Variants in ULK4 observed in about 807,000 individuals in gnomAD.
ULK4 encodes unc-51 like kinase 4.
A neutral mutation model predicts 160.6 loss-of-function variants in ULK4; 133 were observed. The ratio of observed to expected loss-of-function variants is 0.83; its 90% CI spans 0.72 to 0.96. ULK4 has a LOEUF of 0.96. Among genes scored for constraint, ULK4 ranks in the 40% least tolerant of loss-of-function variants. The pLI is 0.00. For missense variants in ULK4, 1,580 were observed against 1,499.5 expected (o/e 1.05, Z -0.89); for synonymous variants, 534 against 539.8 (o/e 0.99, Z 0.15).
Position 41,555,796 on chromosome 3 carries a change from A to C in ULK4, c.3226+10229T>G, listed in dbSNP as rs185744422. 6.6e-5 allele frequency among the ~76,000 whole-genome samples: 10 copies of C among 152,368 alleles called. No homozygotes were observed. In the East Asian group the frequency reaches 1.9e-3, roughly 29 times the overall value. On this transcript the variant is annotated intron_variant, in intron 32 of 36. Coordinates refer to ENST00000301831, the MANE Select transcript of ULK4 (RefSeq NM_017886.4). ...ATGCCCATCAATGATAGCCTGGATA[A>C]AGAAAATGTGGTACATCATGGAATG...
intron 31 of ULK4, among the ~76,000 whole-genome samples, chr3:41,572,464 G>A (rs1053471521): frequency 1.3e-5 from 2 of 152,010 alleles, no homozygotes; most frequent in African/African-American, 4.8e-5. Flanking sequence ...AGCCCTCAAT[G>A]TTTTTCATTA....
At chr3:41,265,749 A>T (rs1272726329) in intron 35 of ULK4, among the ~76,000 whole-genome samples, 1 of 152,172 alleles carries the variant, frequency 6.6e-6, no homozygotes. Context: ...GCAGGGCCAC[A>T]GCTTTGAGGA....
intron 32 of ULK4, among the ~76,000 whole-genome samples, chr3:41,470,150 C>T (rs2083951213): frequency 6.7e-6 from 1 of 149,764 alleles, no homozygotes; most frequent in Admixed American, 6.7e-5. Flanking sequence ...TCAAAGTAAA[C>T]CAAAAGAAGA....
chr3:41,954,853 A>T, intron 1 of ULK4, 46 bp from the exon 2 acceptor site: 1 of 1,253,742 alleles, frequency 8.0e-7, no homozygotes, highest in South Asian at 1.5e-5. Flanking sequence ...AGTTAGTTGC[A>T]TAATTAATTA....
chr3:41,866,874 T>C (rs1696906007), intron 17 of ULK4, among the ~76,000 whole-genome samples: 1 of 152,222 alleles, frequency 6.6e-6, no homozygotes, highest in South Asian at 2.1e-4. Context: ...CTTTTTCCAT[T>C]TGTCAAGTAT....
At chr3:41,469,602 CAAAAAAAAAA>C (rs71616008) in intron 32 of ULK4, among the ~76,000 whole-genome samples, 3 of 11,308 alleles carry the variant, frequency 2.7e-4, no homozygotes, top group Admixed American at 1.3e-3. Context: ...CTACACCTGC[CAAAAAAAAAA>C]AAAAAAAAAA....
intron 34 of ULK4, among the ~76,000 whole-genome samples, chr3:41,421,124 AAAG>A (rs1013024126): frequency 6.3e-5 from 2 of 31,502 alleles, no homozygotes; most frequent in African/African-American, 1.2e-3. Context: ...CTCAAAAAAA[AAAG>A]AAAAGAAAAG....
intron 17 of ULK4, among the ~76,000 whole-genome samples, chr3:41,880,225 T>G (rs2125700252): frequency 6.6e-6 from 1 of 152,304 alleles, no homozygotes; most frequent in East Asian, 1.9e-4. Flanking sequence ...ATATCAGAAA[T>G]GTTTTTTAAA....
intron 21 of ULK4, among the ~76,000 whole-genome samples, chr3:41,768,263 A>C (rs1408133973): frequency 2.0e-5 from 3 of 152,220 alleles, no homozygotes; most frequent in African/African-American, 4.8e-5. Context: ...TTGTAAGACA[A>C]ACATGAAACT....
intron 18 of ULK4, among the ~76,000 whole-genome samples, chr3:41,822,752 C>T (rs1216877486): frequency 1.5e-4 from 16 of 108,064 alleles, no homozygotes; most frequent in African/African-American, 4.7e-4. Context: ...GAGACAGTCT[C>T]GCTCTGTCAC....
intron 18 of ULK4, among the ~76,000 whole-genome samples, chr3:41,835,097 C>T (rs2041713887): frequency 6.6e-6 from 1 of 152,192 alleles, no homozygotes; most frequent in African/African-American, 2.4e-5. Flanking sequence ...TTAGTCCCAG[C>T]TACCCAGGAG....
At chr3:41,928,565 G>GTT (rs138310421) in intron 5 of ULK4, among the ~76,000 whole-genome samples, 33 of 142,006 alleles carry the variant, frequency 2.3e-4, no homozygotes, top group South Asian at 6.7e-4. Context: ...TCTAGGAGCT[G>GTT]TTTTTTTTTA....
intron 15 of ULK4, among the ~76,000 whole-genome samples, 178 bp from the exon 16 acceptor site, chr3:41,895,742 T>C (rs1195922545): frequency 2.0e-5 from 3 of 152,138 alleles, no homozygotes; most frequent in African/African-American, 4.8e-5. Flanking sequence ...AAGATTAAAA[T>C]AAAAACTAAG....
intron 12 of ULK4, among the ~76,000 whole-genome samples, chr3:41,901,172 C>CTTTTTTTTTT (rs201425733): frequency 2.5e-5 from 3 of 119,916 alleles, no homozygotes; most frequent in African/African-American, 6.9e-5. Context: ...AGCATGGCTT[C>CTTTTTTTTTT]TTTTTTTTTT....
At position 41,321,792 on chromosome 3, in the gene ULK4, G is replaced by T. The variant is rs535046491; in HGVS notation, c.3679-72218C>A. On this transcript the variant is annotated intron_variant, in intron 35 of 36. Transcript: ENST00000301831. ...GGAAAAACGCCTCAAGTGAGCATGC[G>T]TACCACTTTAGTAAACACTCTGTGC... Among the ~76,000 whole-genome samples, 9 of 144,160 alleles carry T rather than the reference G, an allele frequency of 6.2e-5. 1 individual carries two copies. The highest frequency in any genetic ancestry group is 2.4e-4 in the African/African-American group (9 of 36,916). 94.6% of individuals were successfully genotyped at this position (144,160 alleles called of 152,430 possible).
intron 22 of ULK4, among the ~76,000 whole-genome samples, chr3:41,719,709 C>T (rs553810048): frequency 1.3e-5 from 2 of 152,320 alleles, no homozygotes; most frequent in South Asian, 2.1e-4. Context: ...TTCTAGCTAA[C>T]TAGTCCATCT....
intron 2 of ULK4, 90 bp downstream of exon 2, chr3:41,954,532 T>A: frequency 6.9e-7 from 1 of 1,452,416 alleles, no homozygotes; most frequent in African/African-American, 1.4e-5. Context: ...ATTTGATATA[T>A]CAAATTCAAT....
intron 35 of ULK4, among the ~76,000 whole-genome samples, chr3:41,272,348 T>A (rs1044080626): frequency 2.3e-5 from 2 of 87,676 alleles, no homozygotes; most frequent in Non-Finnish European, 1.9e-5. Context: ...TGAAAGTTTT[T>A]TTTTTTTTTT....
chr3:41,654,249 A>T (rs1323719775), intron 30 of ULK4, among the ~76,000 whole-genome samples: 1 of 152,228 alleles, frequency 6.6e-6, no homozygotes, highest in African/African-American at 2.4e-5. Context: ...GAACCAGACA[A>T]GACAACAAAA....
Sources: gnomAD v4.1 joint callset for allele counts (sites outside exome capture counted in the v4.1 genomes callset) on GRCh38, gnomAD v4.1.1 for gene constraint, MANE v1.5 for transcripts, NCBI Gene and HGNC (gene_info 2026-07-23, HGNC 2026-07-21) for gene names.